The following EXOC2 variants were observed in gnomAD, a reference collection of about 807,000 sequenced individuals.
The protein encoded by EXOC2 is SEC5-like 1.
Under a neutral mutation model 131.8 loss-of-function variants are expected in EXOC2, and 70 were observed. The observed-to-expected ratio is 0.53, with a 90% CI of 0.44 to 0.65. The LOEUF (loss-of-function observed/expected upper bound fraction) is 0.65. Ranked by LOEUF, EXOC2 falls within the 30% of genes least tolerant of loss-of-function variation. The pLI is 0.00. For missense variants in EXOC2, 923 were observed against 1,108.6 expected, an observed-to-expected ratio of 0.83 and a Z score of 2.38; for synonymous variants, 411 against 398.4, an observed-to-expected ratio of 1.03 and a Z score of -0.38.
At chr6:681,383 T>C (rs924546340) in intron 1 of EXOC2, among the ~76,000 whole-genome samples, 1 of 152,232 alleles carries the variant, frequency 6.6e-6, no homozygotes, top group East Asian at 1.9e-4. Context: ...GATATTCTAT[T>C]ACTGCTTCCA....
intron 1 of EXOC2, among the ~76,000 whole-genome samples, chr6:657,603 T>C (rs1196669639): frequency 6.6e-6 from 1 of 152,200 alleles, no homozygotes; most frequent in African/African-American, 2.4e-5. Context: ...ACCCAACTAT[T>C]TCCTTGCATT....
chr6:611,910 C>T (rs538048905), intron 6 of EXOC2, among the ~76,000 whole-genome samples: 1 of 152,338 alleles, frequency 6.6e-6, no homozygotes, highest in South Asian at 2.1e-4. Context: ...CTGCCTATTA[C>T]TTCACTACAA....
intron 27 of EXOC2, among the ~76,000 whole-genome samples, chr6:487,856 C>A (rs1452372637): frequency 6.6e-6 from 1 of 152,168 alleles, no homozygotes; most frequent in Non-Finnish European, 1.5e-5. Flanking sequence ...CACAGCAAAT[C>A]TAAAATATAG....
At chr6:576,003 T>C (rs781149804) in intron 12 of EXOC2, among the ~76,000 whole-genome samples, 1 of 152,252 alleles carries the variant, frequency 6.6e-6, no homozygotes, top group Non-Finnish European at 1.5e-5. Context: ...GCTCTTATGA[T>C]GAACATTCAT....
chr6:535,513 G>A (rs1330005526), intron 22 of EXOC2, among the ~76,000 whole-genome samples: 1 of 152,110 alleles, frequency 6.6e-6, no homozygotes, highest in Admixed American at 6.6e-5. Flanking sequence ...AGATCCTGAA[G>A]ACATTAAAAG....
In EXOC2 at chr6:488,282, G is replaced by A. The variant is rs901651513; in HGVS notation, c.2681+697C>T. 2.0e-5 allele frequency among the ~76,000 whole-genome samples: 3 copies of A among 152,324 alleles called. No individual in the cohort carries two copies. The South Asian group carries it at 6.2e-4, about 32-fold the overall frequency. On this transcript the variant is annotated intron_variant, in intron 27 of 27. Coordinates refer to ENST00000230449, the MANE Select transcript of EXOC2 (RefSeq NM_018303.6). ...TCACGGTGCCAGCATTTCAGTCAGT[G>A]CACCACATGTGCCTGTCTATGGGCC...
chr6:603,737 T>C lies in EXOC2; in HGVS notation c.743-4512A>G, dbSNP rs1760239312. 2.6e-5 allele frequency among the ~76,000 whole-genome samples: 4 copies of C among 152,242 alleles called. No homozygotes were observed. In the South Asian group the frequency reaches 8.3e-4, roughly 31 times the overall value. ...GTGTTCCAAATCCTTAGCATTCTTC[T>C]TTCATTTTGCACGTGGTACTTGGGT... On this transcript the variant is annotated intron_variant, in intron 7 of 27. Coordinates refer to ENST00000230449, the MANE Select transcript of EXOC2 (RefSeq NM_018303.6).
chr6:588,506 C>T (rs1759341012), intron 11 of EXOC2, among the ~76,000 whole-genome samples: 1 of 152,138 alleles, frequency 6.6e-6, no homozygotes, highest in Admixed American at 6.5e-5. Context: ...CTGGCTATAC[C>T]ACCATACCTG....
chr6:486,875 A>C (rs964935038), intron 27 of EXOC2, 111 bp from the exon 28 acceptor site: 2 of 716,980 alleles, frequency 2.8e-6, no homozygotes, highest in Non-Finnish European at 4.7e-6. Context: ...CTGTGTGGAG[A>C]AGGCAGCTGA....
chr6:576,996 T>TAA, intron 11 of EXOC2, 114 bp from the exon 12 acceptor site: 1 of 841,160 alleles, frequency 1.2e-6, no homozygotes. Context: ...GCTCCACTCT[T>TAA]AAATAAGGCA....
intron 1 of EXOC2, among the ~76,000 whole-genome samples, chr6:649,292 T>A (rs1012350959): frequency 6.6e-6 from 1 of 152,228 alleles, no homozygotes. Flanking sequence ...GGAACTTTTA[T>A]TAGGTCAGAT....
chr6:586,382 G>A (rs1015746403), intron 11 of EXOC2, among the ~76,000 whole-genome samples: 5 of 152,182 alleles, frequency 3.3e-5, no homozygotes, highest in Non-Finnish European at 7.3e-5. Flanking sequence ...CCTCCTAAGG[G>A]ACTGGATGCT....
rs145704120 is a variant in EXOC2 at position 685,502 on chromosome 6, T to A, written c.-44+7517A>T. Among the ~76,000 whole-genome samples the A allele has an allele frequency of 9.6e-4, 146 of 152,242 alleles. 1 individual carries two copies. In the East Asian group the frequency reaches 0.026, roughly 27 times the overall value. On this transcript the variant is annotated intron_variant, in intron 1 of 27. Coordinates refer to ENST00000230449, the MANE Select transcript of EXOC2 (RefSeq NM_018303.6). ...TTGGGGAAAGGGTTCGGGAAAATGG[T>A]GATTTTCTTCCCCAGTTCTCTATAA...
chr6:521,854 A>G (rs185292580), intron 23 of EXOC2, among the ~76,000 whole-genome samples: 20 of 152,300 alleles, frequency 1.3e-4, no homozygotes, highest in Admixed American at 9.8e-4. Flanking sequence ...TGGGGTGTCC[A>G]TGTTATTTTT....
rs779457567 is a variant in EXOC2, at chr6:553,843, G to C, written c.2121+11C>G. 2.5e-6 allele frequency: 4 copies of C among 1,609,240 alleles called. No homozygotes were observed. The African/African-American group carries it at 5.3e-5, about 22-fold the overall frequency. On this transcript the variant is annotated intron_variant, in intron 21 of 27. Coordinates refer to ENST00000230449, the MANE Select transcript of EXOC2 (RefSeq NM_018303.6). ...TAAAATGGTTTACTTTCTAGTTATC[G>C]TCTGACTTACTGAGGTCAAGCTGAA... is the stretch of plus-strand genomic sequence containing the variant.
At chr6:591,773 T>G (rs1423524975) in intron 11 of EXOC2, among the ~76,000 whole-genome samples, 1 of 152,150 alleles carries the variant, frequency 6.6e-6, no homozygotes. Flanking sequence ...ATATACTCAA[T>G]ATTCTCCAAA....
At chr6:659,122 A>G (rs1438553815) in intron 1 of EXOC2, among the ~76,000 whole-genome samples, 2 of 151,964 alleles carry the variant, frequency 1.3e-5, no homozygotes, top group African/African-American at 2.4e-5. Context: ...TTTTCAATTG[A>G]CCTTTTATGT....
chr6:500,211 A>T (rs1763964283), intron 23 of EXOC2, among the ~76,000 whole-genome samples: 1 of 152,216 alleles, frequency 6.6e-6, no homozygotes, highest in African/African-American at 2.4e-5. Context: ...ACCAAAGGTG[A>T]AAGTCAAGTT....
chr6:531,527 C>T (rs192042854), intron 23 of EXOC2, among the ~76,000 whole-genome samples: 7 of 143,688 alleles, frequency 4.9e-5, no homozygotes, highest in Non-Finnish European at 6.1e-5. Context: ...TTAATGATCC[C>T]AGTTTTTAGT....
Sources: allele counts gnomAD v4.1 joint callset (sites outside exome capture counted in the v4.1 genomes callset), GRCh38; gene constraint gnomAD v4.1.1; transcripts MANE v1.5; gene names NCBI Gene and HGNC (gene_info 2026-07-23, HGNC 2026-07-21).